PLEKHG6: variants seen among roughly 807,000 people sequenced by gnomAD.
PLEKHG6 encodes pleckstrin homology domain-containing family G member 6.
Under a neutral mutation model 97.5 loss-of-function variants are expected in PLEKHG6, and 91 were observed. The observed-to-expected ratio is 0.93, with a 90% CI of 0.79 to 1.11. The LOEUF (loss-of-function observed/expected upper bound fraction) is 1.11. Among genes scored for constraint, PLEKHG6 ranks in the 50% most tolerant of loss-of-function variants. The probability of loss-of-function intolerance (pLI) is 0.00; values close to 1 mark genes in which losing one functional copy is unlikely to be tolerated. For synonymous variants in PLEKHG6, 466 were observed against 425.5 expected (o/e 1.10, Z -1.17); for missense variants, 1,044 against 1,031.0 (o/e 1.01, Z -0.17).
chr12:6,327,936 C>T lies in PLEKHG6; in HGVS notation c.2353C>T (p.Leu785=), dbSNP rs1947928915. 1.3e-6 allele frequency: 2 copies of T among 1,489,584 alleles called. No homozygotes were observed. Among genetic ancestry groups the T allele is most frequent in the Non-Finnish European group, 1.8e-6 (2 of 1,119,430 alleles). The allele number at this position is 1,489,584 out of a possible 1,614,324, so 92.3% of individuals were successfully genotyped here. The change falls in exon 15 of 16, where the codon CTG becomes TTG. Residue 785 remains leucine (L), a synonymous_variant. Coordinates refer to ENST00000684764, the MANE Select transcript of PLEKHG6 (RefSeq NM_001384598.1). ...GPHIIQLDTP[L]SASEV ...CCACATCATTCAGCTGGACACCCCT[C>T]TGTCCGCATCGTAAGTGCTGGAGGG... is the stretch of plus-strand genomic sequence containing the variant.
intron 2 of PLEKHG6, chr12:6,312,883 G>A: frequency 1.5e-6 from 2 of 1,354,958 alleles, no homozygotes; most frequent in South Asian, 1.7e-5. Flanking sequence ...GTGGAAGCCA[G>A]GTCTGTCCCT....
Position 6,315,981 on chromosome 12 carries a change from T to G in PLEKHG6, c.606+62T>G, listed in dbSNP as rs1592024265. ...CGACCTCTGAGCCTGGGGATGAGGG[T>G]GGGCCCTCCAGCCATCCCTGTCTGA... On this transcript the variant is annotated intron_variant, in intron 6 of 15. Coordinates refer to ENST00000684764, the MANE Select transcript of PLEKHG6 (RefSeq NM_001384598.1). The surrounding 1 kb of genome is among the most constrained non-coding windows in gnomAD (Gnocchi z 4.5). 1.1e-5 allele frequency: 15 copies of G among 1,413,654 alleles called. No individual in the cohort carries two copies. The highest frequency in any genetic ancestry group is 1.5e-5 in the Non-Finnish European group (15 of 1,031,054). The allele number at this position is 1,413,654 out of a possible 1,614,324, so 87.6% of individuals were successfully genotyped here.
intron 13 of PLEKHG6, among the ~76,000 whole-genome samples, chr12:6,325,287 G>A (rs1468768115): frequency 6.6e-6 from 1 of 152,024 alleles, no homozygotes; most frequent in Non-Finnish European, 1.5e-5. Flanking sequence ...GCAAGGCCCT[G>A]TCCCAGCTCT....
chr12:6,318,074 C>T, intron 10 of PLEKHG6, 80 bp downstream of exon 10: 1 of 1,470,060 alleles, frequency 6.8e-7, no homozygotes, highest in South Asian at 1.3e-5. Context: ...AAGGCCAGAA[C>T]ACCCCGTACT....
Position 6,317,544 on chromosome 12 carries a change from C to A in PLEKHG6, c.868-3C>A, listed in dbSNP as rs559085231. 1.1e-5 allele frequency: 17 copies of A among 1,613,278 alleles called. No homozygotes were observed. The highest frequency in any genetic ancestry group is 2.2e-5 in the East Asian group (1 of 44,884). The stretch of plus-strand genomic sequence containing the variant: ...CCCTGAGCCCCACCCACCTTCCCTG[C>A]AGTGGTGTGAGAAGCACAAGCGCTC... On this transcript the variant is annotated splice_polypyrimidine_tract_variant and splice_region_variant and intron_variant, in intron 8 of 15. Coordinates refer to ENST00000684764, the MANE Select transcript of PLEKHG6 (RefSeq NM_001384598.1).
At position 6,323,074 on chromosome 12, in the gene PLEKHG6, C is replaced by T. The variant is rs550915253; in HGVS notation, c.1525-3354C>T. 4.0e-3 allele frequency among the ~76,000 whole-genome samples: 425 copies of T among 106,924 alleles called. 4 individuals carry two copies. Among genetic ancestry groups the T allele is most frequent in the Non-Finnish European group, 6.2e-3 (324 of 52,226 alleles). The allele number at this position is 106,924 out of a possible 152,430, so 70.1% of individuals were successfully genotyped here. Reference sequence around the variant, plus strand: ...GCCACCTCCACCTTCAGAACTTTCTCCTCTTTTTTTTGGTTTTTAGTCACA... The same window carrying T: ...GCCACCTCCACCTTCAGAACTTTCTTCTCTTTTTTTTGGTTTTTAGTCACA... On this transcript the variant is annotated intron_variant, in intron 13 of 15. Transcript: ENST00000684764.
chr12:6,319,358 G>GAA (rs1648732881), intron 13 of PLEKHG6: 1 of 647,104 alleles, frequency 1.5e-6, no homozygotes, highest in African/African-American at 1.8e-5. Context: ...TGAGGCAGGA[G>GAA]AATCACTTGA....
chr12:6,313,235 A>G, intron 2 of PLEKHG6: 6 of 1,493,190 alleles, frequency 4.0e-6, no homozygotes, highest in Non-Finnish European at 5.5e-6. Context: ...ATAGACAAGG[A>G]GAGTTACGAG....
At chr12:6,311,149 T>A (rs1184368567) in intron 1 of PLEKHG6, 2 of 152,242 alleles carry the variant, frequency 1.3e-5, no homozygotes, top group African/African-American at 4.8e-5. Context: ...CACAAACACC[T>A]GCGCAGCCTT....
Position 6,314,895 on chromosome 12 carries a change from G to C in PLEKHG6, c.295-110G>C, listed in dbSNP as rs12316586. 0.043 allele frequency: 42,727 copies of C among 1,004,426 alleles called. 9,124 individuals are homozygous for C. In the African/African-American group the frequency reaches 0.53, roughly 12 times the overall value. The allele number at this position is 1,004,426 out of a possible 1,614,324, so 62.2% of individuals were successfully genotyped here. A position where few individuals can be genotyped will look rare whatever the true frequency, so the allele number is the denominator to read the frequency against. ...CTTGCCATCTCCCATTCCAGACACA[G>C]ACACACGCACACACTTTAACACACA... On this transcript the variant is annotated intron_variant, in intron 3 of 15. Coordinates refer to ENST00000684764, the MANE Select transcript of PLEKHG6 (RefSeq NM_001384598.1).
intron 13 of PLEKHG6, among the ~76,000 whole-genome samples, chr12:6,323,610 G>A (rs1394172536): frequency 1.3e-5 from 2 of 152,250 alleles, no homozygotes; most frequent in African/African-American, 4.8e-5. Context: ...AACAGAAAGA[G>A]CCGTCAGAGA....
intron 15 of PLEKHG6, 21 bp from the exon 16 acceptor site, chr12:6,328,115 C>T (rs1565464164): frequency 1.9e-6 from 3 of 1,614,068 alleles, no homozygotes; most frequent in Non-Finnish European, 8.5e-7. Context: ...TGTCGCCTAA[C>T]ACCCCCTCCT....
At chr12:6,323,667 G>A (rs1409798589) in intron 13 of PLEKHG6, among the ~76,000 whole-genome samples, 2 of 152,232 alleles carry the variant, frequency 1.3e-5, no homozygotes, top group African/African-American at 4.8e-5. Context: ...GGCAGCCGAG[G>A]CTAAGAGCCA....
intron 10 of PLEKHG6, 102 bp downstream of exon 10, chr12:6,318,096 AG>A (rs1208939652): frequency 7.1e-7 from 1 of 1,415,872 alleles, no homozygotes; most frequent in Non-Finnish European, 9.5e-7. Flanking sequence ...GGGTGCTACA[AG>A]GGTGTCCATC....
Position 6,315,164 on chromosome 12 carries a change from C to A in PLEKHG6, c.454C>A (p.His152Asn). ...EKSWRELVPG[H>N]KEMSQELCHQ... ...GTCCTGGAGGGAGCTGGTGCCTGGG[C>A]ACAAGGTGAGCCTGAAACTCACAAG... is the stretch of plus-strand genomic sequence containing the variant. Residue 152 changes from histidine to asparagine, a missense_variant, in exon 4 of 16, where the codon CAC becomes AAC. Physicochemically the swap from His to Asn is moderately conservative, Grantham distance 68 (BLOSUM62 1). Transcript: ENST00000684764. The surrounding 1 kb of genome is among the most constrained non-coding windows in gnomAD (Gnocchi z 4.5). The A allele has an allele frequency of 6.2e-7, 1 of 1,610,354 alleles. No individual in the cohort carries two copies.
chr12:6,325,373 C>T (rs1379384538), intron 13 of PLEKHG6, among the ~76,000 whole-genome samples: 1 of 152,216 alleles, frequency 6.6e-6, no homozygotes, highest in Admixed American at 6.5e-5. Flanking sequence ...GTAAAATGGG[C>T]TAACATTCAT....
Position 6,318,403 on chromosome 12 carries a change from G to A in PLEKHG6, c.1258G>A (p.Glu420Lys), listed in dbSNP as rs781374469. The change falls in exon 11 of 16, where the codon GAG (glutamate) becomes AAG (lysine). Residue 420 changes from glutamate to lysine, a missense_variant. Glu to Lys is a moderately conservative substitution (Grantham distance 56). Transcript: ENST00000684764. ...LLLEGPVRVK[E>K]GREGKLDVYL... The stretch of plus-strand genomic sequence containing the variant: ...GCTGGAGGGGCCTGTGCGAGTGAAG[G>A]AGGGACGAGAAGGGAAGGTGAGGGT... 1 of 1,610,504 alleles carries A rather than the reference G, an allele frequency of 6.2e-7. No homozygotes were observed. The highest frequency in any genetic ancestry group is 8.5e-7 in the Non-Finnish European group (1 of 1,178,502).
At chr12:6,326,276 G>A (rs1203307542) in intron 13 of PLEKHG6, 152 bp from the exon 14 acceptor site, 3 of 434,466 alleles carry the variant, frequency 6.9e-6, no homozygotes, top group Non-Finnish European at 1.2e-5. Flanking sequence ...CTGCACTCTA[G>A]TCTGGGTGAC....
rs1368451337 is a variant in PLEKHG6 at position 6,313,672 on chromosome 12, G to A, written c.182G>A (p.Arg61Lys). 1.2e-6 allele frequency: 2 copies of A among 1,614,052 alleles called. No homozygotes were observed. The highest frequency in any genetic ancestry group is 2.2e-5 in the East Asian group (1 of 44,880). The change falls in exon 3 of 16, where the codon AGG becomes AAG. Residue 61 changes from arginine (R) to lysine (K), a missense_variant. By Grantham distance (26) the Arg-to-Lys change is conservative. Coordinates refer to ENST00000684764, the MANE Select transcript of PLEKHG6 (RefSeq NM_001384598.1). ...CTCCAGCAGTATGTCCCCTTTGCCA[G>A]GGGTTCTGGCCAGGCCCGAGGCCTG... ...RRLQQYVPFA[R>K]GSGQARGLSP... is the part of the protein sequence containing the mutation.
Sources: gnomAD v4.1 joint callset for allele counts (sites outside exome capture counted in the v4.1 genomes callset) on GRCh38, gnomAD v4.1.1 for gene constraint, Gnocchi (gnomAD v3.1) non-coding constraint, MANE v1.5 for transcripts, NCBI Gene and HGNC (gene_info 2026-07-23, HGNC 2026-07-21) for gene names.